The following TTN variants were observed in gnomAD, a reference collection of about 807,000 sequenced individuals.
TTN encodes the protein titin, also known as connectin.
TTN carries 1,525 observed loss-of-function variants against 3,223.0 expected under a neutral mutation model. The observed-to-expected ratio is 0.47, with a 90% confidence interval of 0.45 to 0.49. The LOEUF is 0.49. Ranked by LOEUF, TTN falls within the 20% of genes least tolerant of loss-of-function variation. The probability of loss-of-function intolerance (pLI) is 0.00; values close to 1 mark genes in which losing one functional copy is unlikely to be tolerated. For synonymous variants in TTN, 14,094 were observed against 15,161.0 expected (o/e 0.93, Z 5.17); for missense variants, 40,786 against 43,424.0 (o/e 0.94, Z 5.40).
In TTN at chr2:178,663,890, G is replaced by A; in HGVS notation, c.36377C>T (p.Ser12126Phe). The change falls in exon 170 of 363, where the codon TCC becomes TTC. Residue 12126 changes from serine (S) to phenylalanine (F), a missense_variant. Transcript: ENST00000589042. Reference protein sequence around the residue: ...EVPPVKVPEASKEVIREEKVP... With the variant: ...EVPPVKVPEAFKEVIREEKVP... Reference sequence around the variant, plus strand: ...TTTCTCTTCGCGGATAACCTCTTTGGAAGCTTCTGGCACTTGAAAGATATT... The same window carrying A: ...TTTCTCTTCGCGGATAACCTCTTTGAAAGCTTCTGGCACTTGAAAGATATT... The A allele has an allele frequency of 6.2e-7, 1 of 1,613,358 alleles. No individual in the cohort carries two copies. The highest frequency in any genetic ancestry group is 8.5e-7 in the Non-Finnish European group (1 of 1,179,788).
Position 178,781,246 on chromosome 2 carries a change from T to C in TTN, c.3398A>G (p.Asn1133Ser), listed in dbSNP as rs775192919. The C allele has an allele frequency of 2.2e-5, 36 of 1,614,042 alleles. 3 individuals carry two copies. In the South Asian group the frequency reaches 4.0e-4, roughly 18 times the overall value. The change falls in exon 21 of 363, where the codon AAC becomes AGC. Residue 1133 changes from asparagine (N) to serine (S), a missense_variant. By Grantham distance (46) the Asn-to-Ser change is conservative (BLOSUM62 1). Transcript: ENST00000589042. ...TTGYRYKVSY[N>S]KQTGECKLVI... ...CAGCTTGCATTCACCGGTTTGTTTGTTGTAACTCACTTTGTATCTTTATGT... is the reference window on the plus strand; with the variant it reads ...CAGCTTGCATTCACCGGTTTGTTTGCTGTAACTCACTTTGTATCTTTATGT...
At position 178,795,245 on chromosome 2, in the gene TTN, A is replaced by C. The variant is rs762331744; in HGVS notation, c.922T>G (p.Ser308Ala). 6.2e-7 allele frequency: 1 copy of C among 1,614,140 alleles called. No homozygotes were observed. The highest frequency in any genetic ancestry group is 1.7e-5 in the Admixed American group (1 of 60,006). Residue 308 changes from serine to alanine, a missense_variant, in exon 7 of 363, where the codon TCT becomes GCT. By Grantham distance (99) the Ser-to-Ala change is moderately conservative. Coordinates refer to ENST00000589042, the MANE Select transcript of TTN (RefSeq NM_001267550.2). ...GATGTGGAGATTCTTGCTGCTGGAG[A>C]CACGGACCTGAAAACCAAAAGGCAG... is the stretch of plus-strand genomic sequence containing the variant. Reference protein sequence around the residue: ...APTPSPVRSVSPAARISTSPI... With the variant: ...APTPSPVRSVAPAARISTSPI...
At chr2:178,713,781 C>T (rs1459727464) in intron 92 of TTN, 116 bp downstream of exon 92, 1 of 1,324,952 alleles carries the variant, frequency 7.5e-7, no homozygotes, top group Non-Finnish European at 1.0e-6. Context: ...TTTGCTGATT[C>T]AGAAGATGTC....
Position 178,785,753 on chromosome 2 carries a change from A to G in TTN, c.2371-11T>C. ...TGTAGTTTTCTTGATCTGCATTGAAATGAAACTCAGTGATACCATTGATCA... is the reference window on the plus strand; with the variant it reads ...TGTAGTTTTCTTGATCTGCATTGAAGTGAAACTCAGTGATACCATTGATCA... On this transcript the variant is annotated splice_polypyrimidine_tract_variant and intron_variant, in intron 14 of 362. Coordinates refer to ENST00000589042, the MANE Select transcript of TTN (RefSeq NM_001267550.2). The G allele has an allele frequency of 6.2e-7, 1 of 1,614,130 alleles. No homozygotes were observed. The highest frequency in any genetic ancestry group is 8.5e-7 in the Non-Finnish European group (1 of 1,179,992).
At chr2:178,674,534 A>G (rs1560276741) in intron 150 of TTN, 125 bp from the exon 151 acceptor site, 1 of 496,310 alleles carries the variant, frequency 2.0e-6, no homozygotes, top group Non-Finnish European at 3.4e-6. Context: ...TCCTTAAAAA[A>G]TCTCTACTGG....
In TTN at chr2:178,567,196, A is replaced by T; in HGVS notation, c.78936T>A (p.Leu26312=). ...GAGAAATGTCACTGCCACCATCTTG[A>T]AGTGGTGGAGACCATGTTAAAGAGC... ...EKCSLTWSPP[L]QDGGSDISHY... is the part of the protein sequence containing the mutation. Residue 26312 remains leucine, a synonymous_variant, in exon 326 of 363, where the codon CTT becomes CTA. Transcript: ENST00000589042. 2 of 1,613,014 alleles carry T rather than the reference A, an allele frequency of 1.2e-6. No individual in the cohort carries two copies. Among genetic ancestry groups the T allele is most frequent in the Non-Finnish European group, 1.7e-6 (2 of 1,179,322 alleles).
intron 52 of TTN, 119 bp downstream of exon 52, chr2:178,734,209 C>T: frequency 7.6e-7 from 1 of 1,315,322 alleles, no homozygotes; most frequent in Non-Finnish European, 1.0e-6. Context: ...CCAGGTCAAA[C>T]CAAGACAAAA....
At chr2:178,535,899 G>T in intron 357 of TTN, 50 bp from the exon 358 acceptor site, 2 of 1,505,700 alleles carry the variant, frequency 1.3e-6, no homozygotes, top group Non-Finnish European at 1.8e-6. Flanking sequence ...ACATCTAACA[G>T]TATGTGTTTA....
At chr2:178,727,451 G>A in intron 68 of TTN, 80 bp from the exon 69 acceptor site, 1 of 1,504,450 alleles carries the variant, frequency 6.6e-7, no homozygotes, top group Non-Finnish European at 8.9e-7. Flanking sequence ...ACAGGCAAGA[G>A]AAAAACATGA....
At position 178,740,426 on chromosome 2, in the gene TTN, C is replaced by T; in HGVS notation, c.12807G>A (p.Glu4269=). 1 of 1,613,118 alleles carries T rather than the reference C, an allele frequency of 6.2e-7. No homozygotes were observed. The highest frequency in any genetic ancestry group is 8.5e-7 in the Non-Finnish European group (1 of 1,179,482). The part of the protein sequence containing the change: ...SALILSQSLA[E]GHVESLQSPD... ...GACTCTGGAGACTCTCCACGTGTCC[C>T]TCAGCTAAGCTCTGACTCAAGATGA... The change falls in exon 48 of 363, where the codon GAG becomes GAA. Residue 4269 remains glutamate, a synonymous_variant. Coordinates refer to ENST00000589042, the MANE Select transcript of TTN (RefSeq NM_001267550.2).
In TTN at chr2:178,609,207, C is replaced by T. The variant is rs1202062988; in HGVS notation, c.52102+1G>A. The T allele has an allele frequency of 2.0e-6, 3 of 1,504,978 alleles. No individual in the cohort carries two copies. The highest frequency in any genetic ancestry group is 2.5e-5 in the Admixed American group (1 of 40,606). 93.2% of individuals were successfully genotyped at this position (1,504,978 alleles called of 1,614,324 possible). A position where few individuals can be genotyped will look rare whatever the true frequency, so the allele number is the denominator to read the frequency against. ...TGGAAAGTGTAGTTTTAATGACTCACCTAACACACTGACAGTACAAGGAGC... is the reference window on the plus strand; with the variant it reads ...TGGAAAGTGTAGTTTTAATGACTCATCTAACACACTGACAGTACAAGGAGC... On this transcript the variant is annotated splice_donor_variant, in intron 273 of 362. Transcript: ENST00000589042. LOFTEE classifies it high-confidence loss of function.
intron 59 of TTN, 24 bp downstream of exon 59, chr2:178,731,281 C>G: frequency 6.2e-7 from 1 of 1,611,868 alleles, no homozygotes; most frequent in Non-Finnish European, 8.5e-7. Context: ...TTCCTCAAAC[C>G]CAAGGCAAAC....
chr2:178,706,800 A>T, intron 101 of TTN, 61 bp from the exon 102 acceptor site: 1 of 1,597,200 alleles, frequency 6.3e-7, no homozygotes, highest in African/African-American at 1.4e-5. Context: ...TTCTTCCAAA[A>T]TTAAATCATA....
intron 111 of TTN, among the ~76,000 whole-genome samples, chr2:178,700,500 G>C (rs1365500863): frequency 6.6e-6 from 1 of 152,196 alleles, no homozygotes; most frequent in Non-Finnish European, 1.5e-5. Context: ...ACTCCAGAAA[G>C]TCCCAGGAAA....
At chr2:178,578,235 A>T in intron 321 of TTN, 50 bp from the exon 322 acceptor site, 1 of 1,515,340 alleles carries the variant, frequency 6.6e-7, no homozygotes, top group Non-Finnish European at 9.0e-7. Flanking sequence ...TTGATTTTAC[A>T]ATATATATGT....
In TTN at chr2:178,587,942, G is replaced by A; in HGVS notation, c.63465C>T (p.Arg21155=). ...TGATAGCTTCCTTTAGCTCTGCAGG[G>A]CGCCCAATACCAACTTGGTTTTGGG... is the stretch of plus-strand genomic sequence containing the variant. ...VCAQNQVGIG[R]PAELKEAIKP... Residue 21155 remains arginine, a synonymous_variant, in exon 305 of 363, where the codon CGC becomes CGT. Coordinates refer to ENST00000589042, the MANE Select transcript of TTN (RefSeq NM_001267550.2). 6.2e-7 allele frequency: 1 copy of A among 1,608,160 alleles called. No individual in the cohort carries two copies. The highest frequency in any genetic ancestry group is 8.5e-7 in the Non-Finnish European group (1 of 1,176,746).
intron 47 of TTN, chr2:178,749,301 T>G (rs367757106): frequency 6.2e-7 from 1 of 1,611,856 alleles, no homozygotes; most frequent in African/African-American, 1.3e-5. Context: ...GATTTTTCAC[T>G]TACATGTCTC....
At chr2:178,738,468 G>A in intron 48 of TTN, 108 bp from the exon 49 acceptor site, 2 of 1,332,676 alleles carry the variant, frequency 1.5e-6, no homozygotes, top group South Asian at 3.5e-5. Context: ...AGTTGAAATT[G>A]GTGAGATGGA....
In TTN at chr2:178,570,609, C is replaced by A. The variant is rs537603113; in HGVS notation, c.75523G>T (p.Val25175Leu). Reference protein sequence around the residue: ...FATSLSVKDAVRVDSGNYILK... With the variant: ...FATSLSVKDALRVDSGNYILK... ...ATGTAATTTCCACTGTCGACACGTA[C>A]TGCATCTTTTACACTGAGACTGGTG... The change falls in exon 326 of 363, where the codon GTA becomes TTA. Residue 25175 changes from valine (V) to leucine (L), a missense_variant. Transcript: ENST00000589042. The A allele has an allele frequency of 1.9e-6, 3 of 1,613,444 alleles. No homozygotes were observed. Among genetic ancestry groups the A allele is most frequent in the Non-Finnish European group, 2.5e-6 (3 of 1,179,628 alleles).
Sources: gnomAD v4.1 joint callset for allele counts (sites outside exome capture counted in the v4.1 genomes callset) on GRCh38, gnomAD v4.1.1 for gene constraint, MANE v1.5 for transcripts, NCBI Gene and HGNC (gene_info 2026-07-23, HGNC 2026-07-21) for gene names.